The following PDE6D variants were observed in gnomAD, a reference collection of about 807,000 sequenced individuals.
The protein encoded by PDE6D is retinal rod rhodopsin-sensitive cGMP 3',5'-cyclic phosphodiesterase subunit delta.
A neutral mutation model predicts 21.9 loss-of-function variants in PDE6D; 10 were observed. The observed-to-expected ratio is 0.46, with a 90% CI of 0.28 to 0.78. PDE6D has a LOEUF of 0.78. Among genes scored for constraint, PDE6D ranks in the 30% least tolerant of loss-of-function variants. PDE6D has a pLI of 0.12. For missense variants in PDE6D, 139 were observed against 184.8 expected, an observed-to-expected ratio of 0.75 and a Z score of 1.44; for synonymous variants, 59 against 63.5, an observed-to-expected ratio of 0.93 and a Z score of 0.34.
At chr2:231,736,085 T>TC (rs2048700057) in intron 4 of PDE6D, among the ~76,000 whole-genome samples, 1 of 151,062 alleles carries the variant, frequency 6.6e-6, no homozygotes, top group African/African-American at 2.4e-5. Flanking sequence ...ATGCCTGTAG[T>TC]CTCACCTACT....
intron 1 of PDE6D, among the ~76,000 whole-genome samples, chr2:231,758,930 A>G (rs2048904414): frequency 6.6e-6 from 1 of 152,162 alleles, no homozygotes; most frequent in Admixed American, 6.5e-5. Flanking sequence ...AGTGAAAAGA[A>G]AAAAATTATA....
chr2:231,739,391 T>C lies in PDE6D; in HGVS notation c.51-203A>G. ...GAAGCAGAAACCTAGAGAAGTTACT[T>C]TTATCTATGAGAATCCTAAGACTGC... On this transcript the variant is annotated intron_variant, in intron 1 of 4. Transcript: ENST00000287600. The surrounding 1 kb of genome is among the most constrained non-coding windows in gnomAD (Gnocchi z 4.2). The C allele has an allele frequency of 1.5e-6, 1 of 687,118 alleles. No individual in the cohort carries two copies. The highest frequency in any genetic ancestry group is 2.7e-6 in the Non-Finnish European group (1 of 370,510). The allele number at this position is 687,118 out of a possible 1,614,324, so 42.6% of individuals were successfully genotyped here.
intron 1 of PDE6D, among the ~76,000 whole-genome samples, chr2:231,773,911 A>G (rs1000562132): frequency 2.0e-5 from 3 of 152,134 alleles, no homozygotes; most frequent in Non-Finnish European, 4.4e-5. Context: ...TAGCTTTACA[A>G]TCATATTAAC....
chr2:231,733,102 A>G (rs2048665377), intron 4 of PDE6D, 69 bp from the exon 5 acceptor site: 1 of 1,107,360 alleles, frequency 9.0e-7, no homozygotes, highest in Non-Finnish European at 1.4e-6. Flanking sequence ...TCATTTCCAC[A>G]AAGTGGTTTC....
intron 1 of PDE6D, 73 bp downstream of exon 1, chr2:231,780,992 C>T: frequency 7.4e-7 from 1 of 1,359,280 alleles, no homozygotes; most frequent in Non-Finnish European, 1.0e-6. Flanking sequence ...GCGGCCCCCG[C>T]CCCCGGCCAG....
Position 231,732,733 on chromosome 2 carries a change from T to G in PDE6D, c.*219A>C. Reference sequence around the variant, plus strand: ...ACCTGTCCCCTGCCCTGGTCTGGGGTTGGGAGTTTAGTCTGGTCAGCTGGA... The same window carrying G: ...ACCTGTCCCCTGCCCTGGTCTGGGGGTGGGAGTTTAGTCTGGTCAGCTGGA... On this transcript the variant is annotated 3_prime_UTR_variant, in exon 5 of 5. Coordinates refer to ENST00000287600, the MANE Select transcript of PDE6D (RefSeq NM_002601.4). The G allele has an allele frequency of 6.0e-6, 3 of 496,222 alleles. No homozygotes were observed. The highest frequency in any genetic ancestry group is 1.1e-5 in the Non-Finnish European group (3 of 275,078). The allele number at this position is 496,222 out of a possible 1,614,324, so 30.7% of individuals were successfully genotyped here.
intron 1 of PDE6D, among the ~76,000 whole-genome samples, chr2:231,757,635 A>G (rs1316870707): frequency 6.6e-6 from 1 of 152,246 alleles, no homozygotes; most frequent in African/African-American, 2.4e-5. Flanking sequence ...TGTAAATAAA[A>G]TTAAGGTAAA....
intron 1 of PDE6D, among the ~76,000 whole-genome samples, chr2:231,749,858 G>C (rs1256898565): frequency 6.6e-6 from 1 of 152,070 alleles, no homozygotes; most frequent in Admixed American, 6.6e-5. Flanking sequence ...GGACTGTGGA[G>C]TTTTGGGTTA....
At chr2:231,745,230 AC>A (rs1367493467) in intron 1 of PDE6D, among the ~76,000 whole-genome samples, 3 of 143,930 alleles carry the variant, frequency 2.1e-5, no homozygotes, top group East Asian at 2.0e-4. Flanking sequence ...ACAAAAACAC[AC>A]AAAAAAAACC....
At chr2:231,763,612 C>A (rs2048948544) in intron 1 of PDE6D, among the ~76,000 whole-genome samples, 1 of 150,338 alleles carries the variant, frequency 6.7e-6, no homozygotes, top group Non-Finnish European at 1.5e-5. Flanking sequence ...ACTTTTATGT[C>A]ATTTTTCTTT....
At chr2:231,746,871 G>A (rs2048797904) in intron 1 of PDE6D, among the ~76,000 whole-genome samples, 1 of 151,538 alleles carries the variant, frequency 6.6e-6, no homozygotes, top group Non-Finnish European at 1.5e-5. Context: ...AGCCAGGACA[G>A]AAGGCAACAA....
intron 1 of PDE6D, among the ~76,000 whole-genome samples, chr2:231,751,699 G>C (rs1227149802): frequency 6.6e-6 from 1 of 152,218 alleles, no homozygotes; most frequent in Non-Finnish European, 1.5e-5. Flanking sequence ...CTTATTATTA[G>C]ACTGGAGTTA....
rs568153668 is a variant in PDE6D at position 231,781,245 on chromosome 2, G to A, written c.-131C>T. On this transcript the variant is annotated 5_prime_UTR_variant, in exon 1 of 5. Transcript: ENST00000287600. ...GCTAGCAGCCGCAGCGGCCAGACCA[G>A]GACCGGCCTCTCTCTCCCCTCAGCT... is the stretch of plus-strand genomic sequence containing the variant. The A allele has an allele frequency of 1.6e-5, 13 of 789,690 alleles. No individual in the cohort carries two copies. The highest frequency in any genetic ancestry group is 1.4e-4 in the Admixed American group (6 of 42,766). The allele number at this position is 789,690 out of a possible 1,614,324, so 48.9% of individuals were successfully genotyped here.
intron 1 of PDE6D, among the ~76,000 whole-genome samples, chr2:231,750,660 ATTTTTTTTTTTT>A (rs561604556): frequency 6.5e-5 from 6 of 92,118 alleles, no homozygotes; most frequent in East Asian, 5.5e-4. Flanking sequence ...TGCTCATCTA[ATTTTTTTTTTTT>A]TTTTTTTTTT....
intron 1 of PDE6D, among the ~76,000 whole-genome samples, chr2:231,759,952 T>C (rs1457100047): frequency 2.0e-5 from 3 of 152,170 alleles, no homozygotes; most frequent in Non-Finnish European, 2.9e-5. Context: ...CCCATAGAAA[T>C]GAGAAATGTT....
rs1054330030 is a variant in PDE6D at position 231,762,299 on chromosome 2, A to AT, written c.50+18765dup. 1.1e-3 allele frequency among the ~76,000 whole-genome samples: 101 copies of AT among 91,578 alleles called. 1 individual carries two copies. The highest frequency in any genetic ancestry group is 2.6e-3 in the East Asian group (7 of 2,730). 60.1% of individuals were successfully genotyped at this position (91,578 alleles called of 152,430 possible). Reference sequence around the variant, plus strand: ...TCTTTTCTATCCCTTGAATGAAACTATTTTTTTTTTTAAATCTGAAGTGGA... The same window carrying AT: ...TCTTTTCTATCCCTTGAATGAAACTATTTTTTTTTTTTAAATCTGAAGTGGA... On this transcript the variant is annotated intron_variant, in intron 1 of 4. Coordinates refer to ENST00000287600, the MANE Select transcript of PDE6D (RefSeq NM_002601.4).
At chr2:231,747,626 TG>T (rs1316119523) in intron 1 of PDE6D, among the ~76,000 whole-genome samples, 1 of 152,232 alleles carries the variant, frequency 6.6e-6, no homozygotes. Context: ...CTTTTAAAAC[TG>T]TAAGTTAGAT....
At chr2:231,735,817 A>C (rs2048695707) in intron 4 of PDE6D, among the ~76,000 whole-genome samples, 2 of 151,834 alleles carry the variant, frequency 1.3e-5, no homozygotes, top group African/African-American at 4.8e-5. Flanking sequence ...CGAGGTTAGG[A>C]GTTCGAGACC....
chr2:231,780,996 C>T, intron 1 of PDE6D, 69 bp downstream of exon 1: 1 of 1,393,070 alleles, frequency 7.2e-7, no homozygotes. Flanking sequence ...CCCCCGCCCC[C>T]GGCCAGTCTC....
Sources: allele counts gnomAD v4.1 joint callset (sites outside exome capture counted in the v4.1 genomes callset), GRCh38; gene constraint gnomAD v4.1.1; non-coding constraint Gnocchi (gnomAD v3.1); transcripts MANE v1.5; gene names NCBI Gene and HGNC (gene_info 2026-07-23, HGNC 2026-07-21).